TMEM131L: variants seen among roughly 807,000 people sequenced by gnomAD.
TMEM131L encodes transmembrane protein 131-like.
TMEM131L carries 54 observed loss-of-function variants against 192.2 expected under a neutral mutation model. The observed-to-expected ratio is 0.28, with a 90% CI of 0.23 to 0.35. TMEM131L has a LOEUF of 0.35. Ranked by LOEUF, TMEM131L falls within the 10% of genes least tolerant of loss-of-function variation. The pLI, the probability that TMEM131L is intolerant of heterozygous loss-of-function variation, is 1.00. For synonymous variants in TMEM131L, 701 were observed against 704.9 expected (o/e 0.99, Z 0.09); for missense variants, 1,888 against 1,972.9 (o/e 0.96, Z 0.82).
chr4:153,557,159 G>T, intron 6 of TMEM131L, 77 bp downstream of exon 6: 1 of 709,016 alleles, frequency 1.4e-6, no homozygotes, highest in East Asian at 2.7e-5. Flanking sequence ...TTTTTAAAAA[G>T]ACTTTTGGAA....
intron 26 of TMEM131L, among the ~76,000 whole-genome samples, chr4:153,616,021 T>A (rs1294795227): frequency 6.6e-6 from 1 of 152,200 alleles, no homozygotes; most frequent in Non-Finnish European, 1.5e-5. Flanking sequence ...GCCGTTTACC[T>A]CTGTCCCTAG....
intron 3 of TMEM131L, among the ~76,000 whole-genome samples, chr4:153,483,743 T>A (rs1350018422): frequency 3.3e-5 from 5 of 152,172 alleles, no homozygotes. Context: ...ATGAAGGTAT[T>A]GCTGTGTAAG....
intron 26 of TMEM131L, among the ~76,000 whole-genome samples, chr4:153,614,520 G>A (rs1047480709): frequency 1.3e-5 from 2 of 152,162 alleles, no homozygotes; most frequent in Admixed American, 1.3e-4. Context: ...TGAGTTGGTG[G>A]GGGGCGGCGG....
Position 153,636,550 on chromosome 4 carries a change from G to A in TMEM131L, c.4807G>A (p.Asp1603Asn). 4 of 1,613,828 alleles carry A rather than the reference G, an allele frequency of 2.5e-6. No individual in the cohort carries two copies. The highest frequency in any genetic ancestry group is 3.4e-6 in the Non-Finnish European group (4 of 1,179,704). Reference sequence around the variant, plus strand: ...GAATGCAAATTTCCCACTGTCTAGAGACTCGAGTTACTGTGGGAATGTGTG... The same window carrying A: ...GAATGCAAATTTCCCACTGTCTAGAAACTCGAGTTACTGTGGGAATGTGTG... ...NRNANFPLSR[D>N]SSYCGNV Residue 1603 changes from aspartate to asparagine, a missense_variant, in exon 35 of 35, where the codon GAC becomes AAC. Asp to Asn is a conservative substitution (Grantham distance 23). Coordinates refer to ENST00000409959, the MANE Select transcript of TMEM131L (RefSeq NM_001131007.2).
chr4:153,569,910 G>A (rs1450228689), intron 7 of TMEM131L, among the ~76,000 whole-genome samples: 1 of 152,092 alleles, frequency 6.6e-6, no homozygotes, highest in Non-Finnish European at 1.5e-5. Flanking sequence ...ACCCCCAACG[G>A]GACATGAAAG....
intron 17 of TMEM131L, among the ~76,000 whole-genome samples, chr4:153,592,036 C>G (rs959330156): frequency 6.6e-6 from 1 of 152,036 alleles, no homozygotes; most frequent in South Asian, 2.1e-4. Flanking sequence ...TATTTAAGAA[C>G]GAGGGCTTTT....
chr4:153,498,063 A>G (rs1479853879), intron 3 of TMEM131L, among the ~76,000 whole-genome samples: 1 of 152,208 alleles, frequency 6.6e-6, no homozygotes, highest in Non-Finnish European at 1.5e-5. Flanking sequence ...GTCGGATTTA[A>G]GGCACAGCTC....
At chr4:153,521,924 C>A (rs1735148474) in intron 3 of TMEM131L, among the ~76,000 whole-genome samples, 2 of 148,496 alleles carry the variant, frequency 1.3e-5, no homozygotes, top group Non-Finnish European at 3.0e-5. Flanking sequence ...GTTTATTTTA[C>A]AGTTTTTCAA....
intron 11 of TMEM131L, among the ~76,000 whole-genome samples, chr4:153,584,186 G>A (rs552570462): frequency 2.0e-5 from 3 of 152,210 alleles, no homozygotes; most frequent in African/African-American, 7.2e-5. Flanking sequence ...CGAGCAGTGT[G>A]TGTACATTTA....
In TMEM131L at chr4:153,545,290, C is replaced by CTTTT. The variant is rs59852943; in HGVS notation, c.240-4771_240-4768dup. 1.6e-4 allele frequency among the ~76,000 whole-genome samples: 21 copies of CTTTT among 132,332 alleles called. 1 individual carries two copies. Among genetic ancestry groups the CTTTT allele is most frequent in the East Asian group, 5.1e-4 (2 of 3,958 alleles). The allele number at this position is 132,332 out of a possible 152,430, so 86.8% of individuals were successfully genotyped here. On this transcript the variant is annotated intron_variant, in intron 3 of 34. Coordinates refer to ENST00000409959, the MANE Select transcript of TMEM131L (RefSeq NM_001131007.2). ...CTCTTGTATCAGCCACTTTTTCAAA[C>CTTTT]TTTTTTTTTTTTTTTGAGATGGAGT...
chr4:153,623,187 C>A, intron 29 of TMEM131L, 104 bp downstream of exon 29: 1 of 1,036,764 alleles, frequency 9.6e-7, no homozygotes, highest in Non-Finnish European at 1.3e-6. Context: ...GTGCAGAGGA[C>A]AGATGGGACA....
At chr4:153,525,313 A>G (rs758825459) in intron 3 of TMEM131L, among the ~76,000 whole-genome samples, 2 of 152,168 alleles carry the variant, frequency 1.3e-5, no homozygotes, top group Non-Finnish European at 2.9e-5. Flanking sequence ...CACAGGTTTA[A>G]CAGCCTCATA....
At chr4:153,622,291 G>GT (rs1733482156) in intron 28 of TMEM131L, among the ~76,000 whole-genome samples, 2 of 152,176 alleles carry the variant, frequency 1.3e-5, no homozygotes, top group Admixed American at 6.5e-5. Flanking sequence ...TGAGTCCAGG[G>GT]TCTGGTACCG....
intron 3 of TMEM131L, among the ~76,000 whole-genome samples, chr4:153,495,936 T>A (rs1733142619): frequency 6.6e-6 from 1 of 152,174 alleles, no homozygotes; most frequent in Admixed American, 6.5e-5. Flanking sequence ...TGTGGAACTG[T>A]TTCAGTGGAG....
chr4:153,622,283 A>T (rs1412857753), intron 28 of TMEM131L, among the ~76,000 whole-genome samples: 1 of 152,132 alleles, frequency 6.6e-6, no homozygotes, highest in African/African-American at 2.4e-5. Flanking sequence ...CCCAGTGCTG[A>T]GTCCAGGGTC....
intron 3 of TMEM131L, among the ~76,000 whole-genome samples, chr4:153,498,504 A>G (rs1364227322): frequency 2.0e-5 from 3 of 152,216 alleles, no homozygotes; most frequent in Admixed American, 2.0e-4. Context: ...CTTTAGATAC[A>G]TGGCTAATCG....
chr4:153,482,822 C>A (rs1448290431), intron 3 of TMEM131L, among the ~76,000 whole-genome samples: 2 of 152,112 alleles, frequency 1.3e-5, no homozygotes. Context: ...TGTTCTCTAA[C>A]TCAAGCAGTC....
intron 4 of TMEM131L, among the ~76,000 whole-genome samples, chr4:153,552,695 A>C (rs1471275893): frequency 6.6e-6 from 1 of 152,076 alleles, no homozygotes; most frequent in South Asian, 2.1e-4. Flanking sequence ...TTAGCTAAGC[A>C]TGGTGGTGCA....
intron 3 of TMEM131L, among the ~76,000 whole-genome samples, chr4:153,486,273 A>G (rs1732324570): frequency 6.6e-6 from 1 of 152,258 alleles, no homozygotes; most frequent in African/African-American, 2.4e-5. Context: ...TTATCCACAG[A>G]TATTCAGCTA....
Sources: gnomAD v4.1 joint callset for allele counts (sites outside exome capture counted in the v4.1 genomes callset) on GRCh38, gnomAD v4.1.1 for gene constraint, MANE v1.5 for transcripts, NCBI Gene and HGNC (gene_info 2026-07-23, HGNC 2026-07-21) for gene names.